PLCXD3: variants seen among roughly 807,000 people sequenced by gnomAD.
PLCXD3 encodes phosphatidylinositol specific phospholipase C X domain containing 3.
PLCXD3 carries 19 observed loss-of-function variants against 25.5 expected under a neutral mutation model. The observed-to-expected ratio is 0.75, with a 90% CI of 0.52 to 1.09. The LOEUF (loss-of-function observed/expected upper bound fraction) is 1.09. Ranked by LOEUF, PLCXD3 falls within the 50% of genes least tolerant of loss-of-function variation. The probability of loss-of-function intolerance (pLI) is 0.00; values close to 1 mark genes in which losing one functional copy is unlikely to be tolerated. For missense variants in PLCXD3, 411 were observed against 388.1 expected, an observed-to-expected ratio of 1.06 and a Z score of -0.50; for synonymous variants, 174 against 137.6, an observed-to-expected ratio of 1.26 and a Z score of -1.85.
intron 1 of PLCXD3, among the ~76,000 whole-genome samples, chr5:41,495,735 T>A (rs1320239657): frequency 6.6e-6 from 1 of 152,180 alleles, no homozygotes; most frequent in Non-Finnish European, 1.5e-5. Flanking sequence ...TCTTCCAGAA[T>A]CCCTAGTTGG....
intron 1 of PLCXD3, among the ~76,000 whole-genome samples, chr5:41,386,430 T>C (rs1745636877): frequency 6.6e-6 from 1 of 152,114 alleles, no homozygotes; most frequent in African/African-American, 2.4e-5. Flanking sequence ...TGGACTTAAC[T>C]TCTCATTCTG....
intron 2 of PLCXD3, among the ~76,000 whole-genome samples, chr5:41,362,586 C>T (rs538974910): frequency 3.3e-5 from 5 of 152,182 alleles, no homozygotes; most frequent in South Asian, 2.1e-4. Flanking sequence ...AATCAGAAAC[C>T]GACACCTTGA....
rs1743137262 is a variant in PLCXD3, at chr5:41,311,582, T to C, written c.*2035A>G. 6.6e-6 allele frequency: 1 copy of C among 152,138 alleles called. No individual in the cohort carries two copies. The highest frequency in any genetic ancestry group is 2.4e-5 in the African/African-American group (1 of 41,434). The allele number at this position is 152,138 out of a possible 1,614,324, so 9.4% of individuals were successfully genotyped here. A position where few individuals can be genotyped will look rare whatever the true frequency, so the allele number is the denominator to read the frequency against. On this transcript the variant is annotated 3_prime_UTR_variant, in exon 3 of 3. Coordinates refer to ENST00000377801, the MANE Select transcript of PLCXD3 (RefSeq NM_001005473.3). Reference sequence around the variant, plus strand: ...TTGTATGCTATCACAGGAATGGGCATATGTTTGTATATTGTATATGGCAAG... The same window carrying C: ...TTGTATGCTATCACAGGAATGGGCACATGTTTGTATATTGTATATGGCAAG...
intron 1 of PLCXD3, among the ~76,000 whole-genome samples, chr5:41,433,166 G>A (rs566394220): frequency 1.3e-5 from 2 of 152,254 alleles, no homozygotes; most frequent in South Asian, 2.1e-4. Context: ...TCATCTGCTG[G>A]AGTCAGACCA....
intron 1 of PLCXD3, among the ~76,000 whole-genome samples, chr5:41,445,913 C>T (rs1231585496): frequency 2.6e-5 from 4 of 151,790 alleles, no homozygotes; most frequent in African/African-American, 7.3e-5. Context: ...CGAGGCCGGG[C>T]GCGGTGGCTC....
intron 1 of PLCXD3, among the ~76,000 whole-genome samples, chr5:41,447,639 T>A (rs767395256): frequency 2.4e-4 from 37 of 152,214 alleles, no homozygotes; most frequent in South Asian, 4.1e-4. Context: ...CAGAGGATAT[T>A]GCATTTAATT....
intron 1 of PLCXD3, among the ~76,000 whole-genome samples, chr5:41,457,549 C>A (rs1747780366): frequency 6.6e-6 from 1 of 151,850 alleles, no homozygotes; most frequent in Non-Finnish European, 1.5e-5. Flanking sequence ...GGACATGTAC[C>A]TGTGACCAGC....
intron 1 of PLCXD3, among the ~76,000 whole-genome samples, chr5:41,469,456 G>A (rs1748101563): frequency 6.7e-6 from 1 of 148,490 alleles, no homozygotes; most frequent in African/African-American, 2.5e-5. Context: ...TTCTTTAAAT[G>A]TTTGGTAGAA....
At chr5:41,343,429 A>G (rs1458321089) in intron 2 of PLCXD3, among the ~76,000 whole-genome samples, 1 of 152,178 alleles carries the variant, frequency 6.6e-6, no homozygotes, top group Non-Finnish European at 1.5e-5. Flanking sequence ...TGGTGAATAT[A>G]TTGAAAATGA....
At chr5:41,455,968 C>T (rs1747743711) in intron 1 of PLCXD3, among the ~76,000 whole-genome samples, 1 of 151,812 alleles carries the variant, frequency 6.6e-6, no homozygotes. Context: ...AGAATAGAAT[C>T]ATTTAAAATA....
intron 1 of PLCXD3, among the ~76,000 whole-genome samples, chr5:41,442,550 A>C (rs1213020908): frequency 6.6e-6 from 1 of 152,232 alleles, no homozygotes; most frequent in Non-Finnish European, 1.5e-5. Flanking sequence ...AAATGAAATA[A>C]TGAATGTGTA....
intron 1 of PLCXD3, among the ~76,000 whole-genome samples, chr5:41,416,659 A>G (rs1460829830): frequency 6.6e-6 from 1 of 152,230 alleles, no homozygotes; most frequent in Non-Finnish European, 1.5e-5. Context: ...GACCAGAGCC[A>G]AAGATAGAGC....
At chr5:41,414,967 T>C (rs753351226) in intron 1 of PLCXD3, among the ~76,000 whole-genome samples, 3 of 152,254 alleles carry the variant, frequency 2.0e-5, no homozygotes, top group Non-Finnish European at 1.5e-5. Flanking sequence ...GTTATAATTG[T>C]TCCATTTTAT....
chr5:41,474,473 T>C (rs318042), intron 1 of PLCXD3, among the ~76,000 whole-genome samples: 35,117 of 152,100 alleles, frequency 0.23, 4,677 homozygotes, highest in African/African-American at 0.35. Context: ...TTTCAGCCTC[T>C]AACATTTCTC....
chr5:41,315,830 C>G (rs746653171), intron 2 of PLCXD3, among the ~76,000 whole-genome samples: 10 of 152,132 alleles, frequency 6.6e-5, no homozygotes, highest in African/African-American at 2.4e-4. Context: ...ACTCAGCGGA[C>G]GCCCAGTCAC....
rs1580310105 is a variant in PLCXD3 at position 41,338,990 on chromosome 5, T to C, written c.813-25220A>G. On this transcript the variant is annotated intron_variant, in intron 2 of 2. Coordinates refer to ENST00000377801, the MANE Select transcript of PLCXD3 (RefSeq NM_001005473.3). ...TGGCCAAAGATTATTTTGGCTATTT[T>C]TTCGTTAATGTTTCCCAGTAATTTC... 2.6e-5 allele frequency among the ~76,000 whole-genome samples: 4 copies of C among 152,274 alleles called. 1 individual carries two copies. The highest frequency in any genetic ancestry group is 2.6e-4 in the Admixed American group (4 of 15,278).
chr5:41,322,261 G>A (rs1308880695), intron 2 of PLCXD3, among the ~76,000 whole-genome samples: 3 of 152,190 alleles, frequency 2.0e-5, no homozygotes, highest in Non-Finnish European at 4.4e-5. Flanking sequence ...TAAAAGATGG[G>A]CAAAAGATTT....
intron 2 of PLCXD3, among the ~76,000 whole-genome samples, chr5:41,324,152 T>TCAGAAGTAGATG (rs1351059397): frequency 6.6e-6 from 1 of 151,964 alleles, no homozygotes; most frequent in Non-Finnish European, 1.5e-5. Flanking sequence ...TAGAAGGCAA[T>TCAGAAGTAGATG]CAGAAGTAGA....
intron 1 of PLCXD3, among the ~76,000 whole-genome samples, chr5:41,454,077 A>T (rs1470090488): frequency 6.6e-6 from 1 of 151,994 alleles, no homozygotes; most frequent in Non-Finnish European, 1.5e-5. Flanking sequence ...CTCCTTTGAA[A>T]GTTAGAAATA....
Sources: gnomAD v4.1 joint callset for allele counts (sites outside exome capture counted in the v4.1 genomes callset) on GRCh38, gnomAD v4.1.1 for gene constraint, MANE v1.5 for transcripts, NCBI Gene and HGNC (gene_info 2026-07-23, HGNC 2026-07-21) for gene names.